Variants in ZNF577 observed in about 807,000 individuals in gnomAD.
The protein encoded by ZNF577 is zinc finger protein 577.
In ZNF577, 14 loss-of-function variants were observed where a neutral mutation model predicts 13.9. That is an observed-to-expected ratio of 1.00 (90% CI 0.66 to 1.57). The LOEUF is 1.57. ZNF577 is among the 40% of genes most tolerant of loss of function. The pLI is 0.00. For synonymous variants in ZNF577, 203 were observed against 202.9 expected (o/e 1.00, Z 0.00); for missense variants, 555 against 579.2 (o/e 0.96, Z 0.43).
In ZNF577 at chr19:51,868,952, A is replaced by C. The variant is rs1000235178; in HGVS notation, c.*3580T>G. 6.6e-6 allele frequency among the ~76,000 whole-genome samples: 1 copy of C among 152,178 alleles called. No individual in the cohort carries two copies. The highest frequency in any genetic ancestry group is 1.5e-5 in the Non-Finnish European group (1 of 68,028). ...TGTTTGCAGGCAGTATGCTTGGTAA[A>C]AGTCATCACCATTCTCCAGTCTCGA... On this transcript the variant is annotated 3_prime_UTR_variant, in exon 6 of 6. Coordinates refer to ENST00000638348, the MANE Select transcript of ZNF577 (RefSeq NM_001370449.1).
intron 9 of ZNF577, among the ~76,000 whole-genome samples, chr19:51,839,449 T>G (rs1268608446): frequency 6.6e-6 from 1 of 152,114 alleles, no homozygotes; most frequent in Non-Finnish European, 1.5e-5. Flanking sequence ...CCCATACACA[T>G]ATACCAAGTA....
chr19:51,821,260 C>T (rs567028026), intron 9 of ZNF577, among the ~76,000 whole-genome samples: 84 of 152,304 alleles, frequency 5.5e-4, no homozygotes, highest in African/African-American at 1.8e-3. Flanking sequence ...AAGGTGCCAA[C>T]GATAAGAGTA....
Position 51,824,644 on chromosome 19 carries a change from C to T in ZNF577, c.*600-12970G>A. 6.2e-7 allele frequency: 1 copy of T among 1,614,126 alleles called. No homozygotes were observed. The highest frequency in any genetic ancestry group is 8.5e-7 in the Non-Finnish European group (1 of 1,180,024). ...GCCTTTTTTAACAGCTGCCTCAACC[C>T]AATTCTCTACGTCTTTATGGGTCGT... On this transcript the variant is annotated intron_variant and NMD_transcript_variant, in intron 9 of 10. Coordinates refer to the ZNF577 transcript ENST00000638827. The surrounding 1 kb of genome is among the most constrained non-coding windows in gnomAD (Gnocchi z 4.7).
At chr19:51,834,128 T>A (rs1206684609) in intron 9 of ZNF577, among the ~76,000 whole-genome samples, 1 of 152,150 alleles carries the variant, frequency 6.6e-6, no homozygotes, top group African/African-American at 2.4e-5. Flanking sequence ...TCTTGCTCTG[T>A]CACCCAGGCT....
At chr19:51,879,819 ATGTAGC>A (rs1379493729) in intron 3 of ZNF577, among the ~76,000 whole-genome samples, 13 of 152,158 alleles carry the variant, frequency 8.5e-5, no homozygotes, top group Non-Finnish European at 1.9e-4. Context: ...TTGCGTGCAA[ATGTAGC>A]CATGTATCAT....
intron 9 of ZNF577, among the ~76,000 whole-genome samples, chr19:51,835,489 T>C (rs965200343): frequency 3.3e-5 from 5 of 151,172 alleles, no homozygotes; most frequent in Middle Eastern, 3.4e-3. Context: ...GTAACATCAG[T>C]CTTACAAGAA....
Position 51,878,371 on chromosome 19 carries a change from C to G in ZNF577, c.187+18G>C. ...CAAATAAGAAAGAAAAGGTAAGTGA[C>G]GGCAATGCTGTCCTTACCTATTGAT... On this transcript the variant is annotated intron_variant, in intron 4 of 5. Transcript: ENST00000638348. 1.2e-6 allele frequency: 2 copies of G among 1,611,068 alleles called. No homozygotes were observed. Among genetic ancestry groups the G allele is most frequent in the Non-Finnish European group, 1.7e-6 (2 of 1,177,962 alleles).
chr19:51,880,454 AAC>A lies in ZNF577; in HGVS notation c.-19-55_-19-54del, dbSNP rs1468229472. The stretch of plus-strand genomic sequence containing the variant: ...AAGCAGAGAAAACCCACAGGGTCTT[AAC>A]AGTCACTTAGCTATGTTCCGACATT... On this transcript the variant is annotated intron_variant, in intron 2 of 5. Transcript: ENST00000638348. The A allele has an allele frequency of 2.7e-6, 4 of 1,498,718 alleles. No homozygotes were observed. In the Admixed American group the frequency reaches 6.7e-5, roughly 25 times the overall value. 92.8% of individuals were successfully genotyped at this position (1,498,718 alleles called of 1,614,324 possible). A position where few individuals can be genotyped will look rare whatever the true frequency, so the allele number is the denominator to read the frequency against.
At chr19:51,828,800 T>A (rs1440552085) in intron 9 of ZNF577, among the ~76,000 whole-genome samples, 1 of 152,176 alleles carries the variant, frequency 6.6e-6, no homozygotes, top group African/African-American at 2.4e-5. Flanking sequence ...TTGTGCAACT[T>A]AGTACTGCTG....
At chr19:51,876,281 C>T (rs1415724543) in intron 5 of ZNF577, among the ~76,000 whole-genome samples, 1 of 152,084 alleles carries the variant, frequency 6.6e-6, no homozygotes, top group East Asian at 1.9e-4. Context: ...GTTTCACATC[C>T]TGGAAGAAGG....
intron 4 of ZNF577, 64 bp from the exon 5 acceptor site, chr19:51,877,441 G>T: frequency 7.4e-7 from 1 of 1,353,632 alleles, no homozygotes; most frequent in Non-Finnish European, 1.1e-6. Context: ...AGATGGAGAG[G>T]GTTATGTCTC....
At chr19:51,804,866 G>A (rs2084047385) in exon 11 of ZNF577, 1 of 152,196 alleles carries the variant, frequency 6.6e-6, no homozygotes, top group South Asian at 2.1e-4. Flanking sequence ...AAGGCCCTGA[G>A]CTTTACACGG....
intron 9 of ZNF577, chr19:51,823,912 T>C (rs775409263): frequency 3.7e-6 from 6 of 1,614,144 alleles, no homozygotes; most frequent in East Asian, 2.2e-5. Flanking sequence ...GGATTCCGGA[T>C]GACACGCACA....
At position 51,822,972 on chromosome 19, in the gene ZNF577, C is replaced by T. The variant is rs141331897; in HGVS notation, c.*600-11298G>A. ...CTGCCTCCCAGGTTCAAGCAATTCT[C>T]CTGCCTCAGCCTCCTAAGTAGCTGG... On this transcript the variant is annotated intron_variant and NMD_transcript_variant, in intron 9 of 10. Transcript: ENST00000638827. Among the ~76,000 whole-genome samples the T allele has an allele frequency of 7.6e-3, 1,155 of 152,230 alleles. 16 individuals are homozygous for T. Among genetic ancestry groups the T allele is most frequent in the African/African-American group, 0.026 (1,073 of 41,540 alleles).
chr19:51,852,948 T>TTTTTA (rs2084386745), intron 5 of ZNF577, among the ~76,000 whole-genome samples: 3 of 151,626 alleles, frequency 2.0e-5, no homozygotes, highest in East Asian at 1.9e-4. Flanking sequence ...TTTTTTTCTT[T>TTTTTA]GAGACAGGGT....
chr19:51,869,379 C>T lies in ZNF577; in HGVS notation c.*3153G>A, dbSNP rs1168047573. ...CAAACATAAATCTGGCCTATGTGCA[C>T]ATCGAGGCACAGCACCTTTCCTTAA... On this transcript the variant is annotated 3_prime_UTR_variant, in exon 6 of 6. Transcript: ENST00000638348. Among the ~76,000 whole-genome samples, 2 of 152,158 alleles carry T rather than the reference C, an allele frequency of 1.3e-5. No individual in the cohort carries two copies. The highest frequency in any genetic ancestry group is 3.9e-4 in the East Asian group (2 of 5,186).
chr19:51,872,989 G>A lies in ZNF577; in HGVS notation c.1001C>T (p.Ala334Val). ...AATGAGCTTCGACTTGCTTCTAAAG[G>A]CTTTTTCACACTCACTACATTCATA... Reference protein sequence around the residue: ...KPYECSECEKAFRSKSKLIQH... With the variant: ...KPYECSECEKVFRSKSKLIQH... Residue 334 changes from alanine to valine, a missense_variant, in exon 6 of 6, where the codon GCC becomes GTC. By Grantham distance (64) the Ala-to-Val change is moderately conservative. Coordinates refer to ENST00000638348, the MANE Select transcript of ZNF577 (RefSeq NM_001370449.1). 6.2e-7 allele frequency: 1 copy of A among 1,614,096 alleles called. No individual in the cohort carries two copies. Among genetic ancestry groups the A allele is most frequent in the Non-Finnish European group, 8.5e-7 (1 of 1,180,040 alleles).
chr19:51,840,995 T>C (rs1037966459), intron 8 of ZNF577: 2 of 152,176 alleles, frequency 1.3e-5, no homozygotes, highest in Non-Finnish European at 2.9e-5. Flanking sequence ...ATCTCCTGCC[T>C]TTGACCTAAG....
chr19:51,839,866 G>A (rs2084310263), intron 9 of ZNF577: 1 of 152,280 alleles, frequency 6.6e-6, no homozygotes, highest in African/African-American at 2.4e-5. Flanking sequence ...ATCCGGTCAA[G>A]GACCCCAACA....
Sources: allele counts gnomAD v4.1 joint callset (sites outside exome capture counted in the v4.1 genomes callset), GRCh38; gene constraint gnomAD v4.1.1; non-coding constraint Gnocchi (gnomAD v3.1); transcripts MANE v1.5; gene names NCBI Gene and HGNC (gene_info 2026-07-23, HGNC 2026-07-21).